ENPP2: variants seen among roughly 807,000 people sequenced by gnomAD.
The protein encoded by ENPP2 is ectonucleotide pyrophosphatase/phosphodiesterase 2, also known as autotaxin.
A neutral mutation model predicts 120.2 loss-of-function variants in ENPP2; 51 were observed. The ratio of observed to expected loss-of-function variants is 0.42; its 90% CI spans 0.34 to 0.54. ENPP2 has a LOEUF of 0.54. Ranked by LOEUF, ENPP2 falls within the 20% of genes least tolerant of loss-of-function variation. ENPP2 has a pLI of 0.04. For missense variants in ENPP2, 920 were observed against 1,066.5 expected (o/e 0.86, Z 1.91); for synonymous variants, 365 against 366.4 (o/e 1.00, Z 0.04).
chr8:119,628,412 G>A (rs1447607518), intron 2 of ENPP2, among the ~76,000 whole-genome samples: 2 of 152,090 alleles, frequency 1.3e-5, no homozygotes, highest in East Asian at 3.9e-4. Context: ...ACACATATTT[G>A]CAAAAGTTTG....
intron 3 of ENPP2, among the ~76,000 whole-genome samples, chr8:119,622,542 GTTTTTTGACTTT>G (rs554017665): frequency 5.1e-4 from 78 of 152,260 alleles, no homozygotes; most frequent in African/African-American, 1.8e-3. Context: ...GGAGTGCTGT[GTTTTTTGACTTT>G]TTCATCTGCT....
At chr8:119,621,660 G>T in intron 3 of ENPP2, 141 bp from the exon 4 acceptor site, 1 of 792,770 alleles carries the variant, frequency 1.3e-6, no homozygotes, top group Non-Finnish European at 2.0e-6. Flanking sequence ...TTGGCTTGAG[G>T]CCCAGAGGAC....
intron 3 of ENPP2, among the ~76,000 whole-genome samples, chr8:119,622,478 A>ATT (rs1815972239): frequency 6.6e-6 from 1 of 152,224 alleles, no homozygotes; most frequent in African/African-American, 2.4e-5. Context: ...TACCTGATTG[A>ATT]CAGCTCACTG....
chr8:119,565,174 AG>A (rs1814316502), intron 22 of ENPP2, among the ~76,000 whole-genome samples: 1 of 152,054 alleles, frequency 6.6e-6, no homozygotes, highest in African/African-American at 2.4e-5. Flanking sequence ...AAACAATGGT[AG>A]GGGAGTTTAA....
intron 2 of ENPP2, among the ~76,000 whole-genome samples, chr8:119,627,867 T>A (rs200742347): frequency 1.4e-3 from 31 of 21,998 alleles, no homozygotes; most frequent in East Asian, 4.3e-3. Flanking sequence ...GTCTTAAAAA[T>A]ATATATATAT....
chr8:119,600,201 C>T (rs113570059), intron 11 of ENPP2, among the ~76,000 whole-genome samples: 3,790 of 152,100 alleles, frequency 0.025, 160 homozygotes, highest in African/African-American at 0.085. Context: ...ATAACTTATG[C>T]CAAGTTGATT....
intron 2 of ENPP2, among the ~76,000 whole-genome samples, chr8:119,632,632 T>G (rs538797632): frequency 1.3e-5 from 2 of 152,366 alleles, no homozygotes; most frequent in Admixed American, 6.5e-5. Context: ...AATTTCATGA[T>G]TTAAAGAAAC....
At chr8:119,673,244 T>C (rs1355145301) in intron 1 of ENPP2, 1 of 1,534,254 alleles carries the variant, frequency 6.5e-7, no homozygotes, top group Non-Finnish European at 8.7e-7. Flanking sequence ...GAGAGGCGCA[T>C]ACCGTACCCG....
chr8:119,631,099 T>C (rs1460075578), intron 2 of ENPP2, among the ~76,000 whole-genome samples: 2 of 151,694 alleles, frequency 1.3e-5, no homozygotes, highest in Non-Finnish European at 2.9e-5. Context: ...TTTCACCATG[T>C]TGGTCAGGCT....
chr8:119,650,087 C>T (rs953009849), intron 1 of ENPP2, among the ~76,000 whole-genome samples: 20 of 152,168 alleles, frequency 1.3e-4, no homozygotes, highest in African/African-American at 4.3e-4. Flanking sequence ...ATGTTCACAG[C>T]AGCATTACCA....
At chr8:119,560,254 GTT>G (rs1813824386) in intron 24 of ENPP2, among the ~76,000 whole-genome samples, 1 of 152,096 alleles carries the variant, frequency 6.6e-6, no homozygotes, top group African/African-American at 2.4e-5. Flanking sequence ...ACAGTTTAAT[GTT>G]TTGCAAGAAT....
At position 119,585,893 on chromosome 8, in the gene ENPP2, TAG is replaced by T. The variant is rs1458925883; in HGVS notation, c.1367+291_1367+292del. On this transcript the variant is annotated intron_variant, in intron 15 of 24. Transcript: ENST00000075322. ...TTTTGACTTACTCAAGTAGTAAGAATAGAGTTTAGAATGTAAATTCAAAGGAT... is the reference window on the plus strand; with the variant it reads ...TTTTGACTTACTCAAGTAGTAAGAATAGTTTAGAATGTAAATTCAAAGGAT... Among the ~76,000 whole-genome samples, 7 of 150,762 alleles carry T rather than the reference TAG, an allele frequency of 4.6e-5. No individual in the cohort carries two copies. In the Admixed American group the frequency reaches 4.7e-4, roughly 10 times the overall value.
At chr8:119,573,955 A>G (rs749867796) in intron 19 of ENPP2, among the ~76,000 whole-genome samples, 6 of 151,260 alleles carry the variant, frequency 4.0e-5, no homozygotes, top group Admixed American at 1.3e-4. Flanking sequence ...ATAGCATAAT[A>G]AGGGGAAAAA....
chr8:119,673,180 C>T (rs1302941677), intron 1 of ENPP2: 1 of 1,343,972 alleles, frequency 7.4e-7, no homozygotes, highest in Non-Finnish European at 1.0e-6. Context: ...GGTTTTTCTG[C>T]TTGACAGAAT....
intron 18 of ENPP2, chr8:119,581,025 G>A (rs1303624694): frequency 6.6e-6 from 1 of 152,000 alleles, no homozygotes; most frequent in East Asian, 1.9e-4. Flanking sequence ...TCAACATATT[G>A]GGAGGCCAAG....
intron 1 of ENPP2, among the ~76,000 whole-genome samples, chr8:119,650,559 C>G (rs141885336): frequency 1.3e-5 from 2 of 152,140 alleles, no homozygotes; most frequent in African/African-American, 4.8e-5. Flanking sequence ...TCTGGATGCA[C>G]AGAAAAGGAA....
intron 1 of ENPP2, among the ~76,000 whole-genome samples, chr8:119,652,707 C>T (rs1303721661): frequency 6.6e-6 from 1 of 152,162 alleles, no homozygotes; most frequent in East Asian, 1.9e-4. Flanking sequence ...CCTCCTGATT[C>T]CTGAATCACA....
chr8:119,610,716 A>G (rs1453737251), intron 8 of ENPP2, among the ~76,000 whole-genome samples: 1 of 152,056 alleles, frequency 6.6e-6, no homozygotes, highest in East Asian at 1.9e-4. Context: ...CAGCCTGGCC[A>G]ACATGGTGAA....
chr8:119,571,784 C>G (rs2130118206), intron 19 of ENPP2: 1 of 154,228 alleles, frequency 6.5e-6, no homozygotes, highest in Non-Finnish European at 1.4e-5. Context: ...ATTTTTTCTA[C>G]TAGAGAAAAT....
Sources: gnomAD v4.1 joint callset for allele counts (sites outside exome capture counted in the v4.1 genomes callset) on GRCh38, gnomAD v4.1.1 for gene constraint, MANE v1.5 for transcripts, NCBI Gene and HGNC (gene_info 2026-07-23, HGNC 2026-07-21) for gene names.